Variants in SLC25A26 observed in about 807,000 individuals in gnomAD.
SLC25A26 encodes mitochondrial S-adenosylmethionine carrier protein.
SLC25A26 carries 36 observed loss-of-function variants against 37.8 expected under a neutral mutation model. That is an observed-to-expected ratio of 0.95 (90% CI 0.73 to 1.26). The LOEUF is 1.26. Among genes scored for constraint, SLC25A26 ranks in the 50% most tolerant of loss-of-function variants. The probability of loss-of-function intolerance (pLI) is 0.00; values close to 1 mark genes in which losing one functional copy is unlikely to be tolerated. For missense variants in SLC25A26, 390 were observed against 331.1 expected (o/e 1.18, Z -1.38); for synonymous variants, 129 against 122.5 (o/e 1.05, Z -0.35).
chr3:66,167,685 A>G (rs909078498), intron 1 of SLC25A26, among the ~76,000 whole-genome samples: 6 of 152,230 alleles, frequency 3.9e-5, no homozygotes, highest in African/African-American at 1.4e-4. Flanking sequence ...CTAAGTGCTT[A>G]ATAAATATTA....
intron 1 of SLC25A26, among the ~76,000 whole-genome samples, chr3:66,182,485 T>G (rs149463430): frequency 3.5e-4 from 53 of 152,236 alleles, no homozygotes; most frequent in African/African-American, 1.2e-3. Flanking sequence ...CATTAGGGAT[T>G]TGAATCTAAA....
intron 5 of SLC25A26, among the ~76,000 whole-genome samples, chr3:66,276,322 C>T (rs1336851752): frequency 6.6e-6 from 1 of 152,096 alleles, no homozygotes; most frequent in African/African-American, 2.4e-5. Flanking sequence ...ATTCCAAATC[C>T]TGTGATTCTT....
At chr3:66,143,491 G>T (rs2070067660) in intron 1 of SLC25A26, among the ~76,000 whole-genome samples, 1 of 152,022 alleles carries the variant, frequency 6.6e-6, no homozygotes, top group South Asian at 2.1e-4. Flanking sequence ...CTCCTTTTCT[G>T]GAACTTAATT....
At chr3:66,345,669 C>A (rs2076304612) in intron 5 of SLC25A26, among the ~76,000 whole-genome samples, 1 of 152,076 alleles carries the variant, frequency 6.6e-6, no homozygotes, top group African/African-American at 2.4e-5. Flanking sequence ...CACTTCTCTC[C>A]CACCACCCCT....
intron 2 of SLC25A26, among the ~76,000 whole-genome samples, chr3:66,239,926 T>C (rs554567146): frequency 1.3e-5 from 2 of 150,900 alleles, no homozygotes; most frequent in East Asian, 3.9e-4. Context: ...TAACAAGCAA[T>C]TTGACTCTCT....
intron 1 of SLC25A26, among the ~76,000 whole-genome samples, chr3:66,150,587 T>A: frequency 2.6e-5 from 3 of 114,528 alleles, no homozygotes; most frequent in Non-Finnish European, 5.3e-5. Context: ...TATATCATGA[T>A]ATATATATGT....
At chr3:66,184,968 A>G (rs2070797426) in intron 1 of SLC25A26, among the ~76,000 whole-genome samples, 2 of 152,196 alleles carry the variant, frequency 1.3e-5, no homozygotes, top group Admixed American at 1.3e-4. Context: ...GTGGTAAAAT[A>G]AATGTAATAT....
intron 3 of SLC25A26, among the ~76,000 whole-genome samples, chr3:66,253,872 T>C (rs916833386): frequency 1.3e-5 from 2 of 152,194 alleles, no homozygotes; most frequent in South Asian, 2.1e-4. Flanking sequence ...ATTTCTGTTA[T>C]GGAAAAATAC....
At chr3:66,304,114 C>T (rs1250699496) in intron 5 of SLC25A26, among the ~76,000 whole-genome samples, 2 of 152,184 alleles carry the variant, frequency 1.3e-5, no homozygotes, top group East Asian at 1.9e-4. Context: ...AGCCCATCCA[C>T]GATAATTTCC....
At chr3:66,215,026 G>A (rs2106844922) in intron 1 of SLC25A26, among the ~76,000 whole-genome samples, 1 of 152,260 alleles carries the variant, frequency 6.6e-6, no homozygotes, top group East Asian at 1.9e-4. Context: ...TTGGGAGGCT[G>A]AGGAAGGAGA....
chr3:66,302,165 G>C (rs2075095113), intron 5 of SLC25A26, among the ~76,000 whole-genome samples: 1 of 152,164 alleles, frequency 6.6e-6, no homozygotes, highest in Non-Finnish European at 1.5e-5. Context: ...AGTATATCCT[G>C]AACCTTCCTC....
intron 5 of SLC25A26, among the ~76,000 whole-genome samples, chr3:66,333,548 G>A (rs1189031473): frequency 6.6e-6 from 1 of 152,146 alleles, no homozygotes; most frequent in Non-Finnish European, 1.5e-5. Flanking sequence ...CTCTCTCCAA[G>A]CACCTCTGTT....
chr3:66,334,387 T>C (rs1417661280), intron 5 of SLC25A26, among the ~76,000 whole-genome samples: 1 of 152,180 alleles, frequency 6.6e-6, no homozygotes, highest in Non-Finnish European at 1.5e-5. Context: ...TGATCTCGGC[T>C]CAGTGCAGCC....
At chr3:66,320,965 G>A (rs2075677725) in intron 5 of SLC25A26, among the ~76,000 whole-genome samples, 1 of 152,100 alleles carries the variant, frequency 6.6e-6, no homozygotes, top group Non-Finnish European at 1.5e-5. Flanking sequence ...TTACATTGAA[G>A]TTCCAACTTT....
chr3:66,300,727 A>C (rs114247253), intron 5 of SLC25A26, among the ~76,000 whole-genome samples: 2 of 152,168 alleles, frequency 1.3e-5, no homozygotes, highest in Admixed American at 6.5e-5. Flanking sequence ...AGAAAGAAGG[A>C]AATATAAATA....
intron 5 of SLC25A26, among the ~76,000 whole-genome samples, chr3:66,343,942 CTATT>C (rs1287638978): frequency 6.6e-6 from 1 of 152,090 alleles, no homozygotes; most frequent in African/African-American, 2.4e-5. Flanking sequence ...ATAAAAAACT[CTATT>C]TAACTACTGT....
intron 5 of SLC25A26, among the ~76,000 whole-genome samples, chr3:66,275,364 A>G (rs2074104323): frequency 6.6e-6 from 1 of 152,042 alleles, no homozygotes; most frequent in Non-Finnish European, 1.5e-5. Flanking sequence ...ACTAACCTGC[A>G]CATTGTGCAC....
In SLC25A26 at chr3:66,369,502, C is replaced by A. The variant is rs1259252088; in HGVS notation, c.593C>A (p.Thr198Asn). 1.2e-6 allele frequency: 2 copies of A among 1,605,100 alleles called. No individual in the cohort carries two copies. Among genetic ancestry groups the A allele is most frequent in the Admixed American group, 3.4e-5 (2 of 58,834 alleles). ...GGTGGATTTGCCGCTGCAGTCACCA[C>A]CCCTCTAGACGTGGCAAAGACAAGA... ...FAGGFAAAVT[T>N]PLDVAKTRIT... The change falls in exon 8 of 10, where the codon ACC (threonine) becomes AAC (asparagine). Residue 198 changes from threonine (T) to asparagine (N), a missense_variant. Transcript: ENST00000354883.
At chr3:66,226,553 A>G (rs1478385538) in intron 1 of SLC25A26, among the ~76,000 whole-genome samples, 3 of 151,780 alleles carry the variant, frequency 2.0e-5, no homozygotes, top group African/African-American at 7.3e-5. Flanking sequence ...TGCTCAAGTG[A>G]TCCTCCCACC....
Sources: gnomAD v4.1 joint callset for allele counts (sites outside exome capture counted in the v4.1 genomes callset) on GRCh38, gnomAD v4.1.1 for gene constraint, MANE v1.5 for transcripts, NCBI Gene and HGNC (gene_info 2026-07-23, HGNC 2026-07-21) for gene names.